The following SIAH3 variants were observed in gnomAD, a reference collection of about 807,000 sequenced individuals.
The protein encoded by SIAH3 is siah E3 ubiquitin protein ligase family member 3.
Under a neutral mutation model 12.6 loss-of-function variants are expected in SIAH3, and 9 were observed. That is an observed-to-expected ratio of 0.72 (90% CI 0.43 to 1.25). SIAH3 has a LOEUF of 1.25. Among genes scored for constraint, SIAH3 ranks in the 50% most tolerant of loss-of-function variants. The pLI, the probability that SIAH3 is intolerant of heterozygous loss-of-function variation, is 0.00. For synonymous variants in SIAH3, 154 were observed against 151.1 expected, an observed-to-expected ratio of 1.02 and a Z score of -0.14; for missense variants, 390 against 365.4, an observed-to-expected ratio of 1.07 and a Z score of -0.55.
chr13:45,784,708 T>C (rs1053070132), intron 1 of SIAH3, among the ~76,000 whole-genome samples: 1 of 152,180 alleles, frequency 6.6e-6, no homozygotes, highest in Non-Finnish European at 1.5e-5. Context: ...ACCCTATTTC[T>C]AGCTCTCTGC....
chr13:45,826,465 A>ATGAGTGGGTGCGTGGG (rs1950677285), intron 1 of SIAH3, among the ~76,000 whole-genome samples: 1 of 74,046 alleles, frequency 1.4e-5, no homozygotes, highest in Non-Finnish European at 2.4e-5. Flanking sequence ...GGATGAATGG[A>ATGAGTGGGTGCGTGGG]TGGATGGATG....
intron 1 of SIAH3, among the ~76,000 whole-genome samples, chr13:45,843,034 CTGTGTGTGTG>C (rs55772614): frequency 6.5e-5 from 9 of 139,188 alleles, no homozygotes; most frequent in African/African-American, 2.4e-4. Flanking sequence ...CTCTCTCTCT[CTGTGTGTGTG>C]TGTGTGTGTG....
chr13:45,833,892 C>T (rs990581139), intron 1 of SIAH3, among the ~76,000 whole-genome samples: 7 of 152,042 alleles, frequency 4.6e-5, no homozygotes, highest in African/African-American at 1.4e-4. Context: ...AGGCTTTTAA[C>T]AATCAATCAG....
chr13:45,823,987 A>G (rs1228273024), intron 1 of SIAH3, among the ~76,000 whole-genome samples: 2 of 152,196 alleles, frequency 1.3e-5, no homozygotes, highest in Non-Finnish European at 2.9e-5. Context: ...GGGTATATTG[A>G]GTGATGTTGA....
At chr13:45,829,853 G>T (rs935482247) in intron 1 of SIAH3, among the ~76,000 whole-genome samples, 1 of 152,154 alleles carries the variant, frequency 6.6e-6, no homozygotes, top group African/African-American at 2.4e-5. Context: ...TGTTTTTAGA[G>T]GCGCTTGGGT....
In SIAH3 at chr13:45,783,169, G is replaced by T. The variant is rs1950511432; in HGVS notation, c.*214C>A. On this transcript the variant is annotated 3_prime_UTR_variant, in exon 2 of 2. Transcript: ENST00000400405. Reference sequence around the variant, plus strand: ...CAAGGCAGGACAAACATCACACCAAGATCTTAAATTACAGGATGTTTACAT... The same window carrying T: ...CAAGGCAGGACAAACATCACACCAATATCTTAAATTACAGGATGTTTACAT... The T allele has an allele frequency of 6.1e-6, 2 of 328,486 alleles. No homozygotes were observed. The highest frequency in any genetic ancestry group is 4.7e-5 in the Admixed American group (1 of 21,360). The allele number at this position is 328,486 out of a possible 1,614,324, so 20.3% of individuals were successfully genotyped here. A position where few individuals can be genotyped will look rare whatever the true frequency, so the allele number is the denominator to read the frequency against.
At chr13:45,816,616 G>A (rs1054033280) in intron 1 of SIAH3, among the ~76,000 whole-genome samples, 1 of 152,166 alleles carries the variant, frequency 6.6e-6, no homozygotes, top group Non-Finnish European at 1.5e-5. Context: ...CCAGATAGAG[G>A]CTCACTGCAC....
At chr13:45,802,936 G>T (rs1305619544) in intron 1 of SIAH3, among the ~76,000 whole-genome samples, 2 of 152,172 alleles carry the variant, frequency 1.3e-5, no homozygotes, top group African/African-American at 4.8e-5. Context: ...GCTGGGCGTG[G>T]TGGCGGCCGC....
chr13:45,804,727 C>A (rs529152851), intron 1 of SIAH3, among the ~76,000 whole-genome samples: 1 of 152,050 alleles, frequency 6.6e-6, no homozygotes, highest in African/African-American at 2.4e-5. Context: ...AGCAATCAGG[C>A]AAGAGAAGGA....
intron 1 of SIAH3, among the ~76,000 whole-genome samples, chr13:45,843,108 C>T (rs1950746728): frequency 6.7e-6 from 1 of 149,838 alleles, no homozygotes; most frequent in Non-Finnish European, 1.5e-5. Flanking sequence ...GGGCTTAGCT[C>T]ATTCATGTTT....
At chr13:45,842,060 C>T (rs965826361) in intron 1 of SIAH3, among the ~76,000 whole-genome samples, 2 of 152,152 alleles carry the variant, frequency 1.3e-5, no homozygotes, top group African/African-American at 2.4e-5. Flanking sequence ...TTTGTTAGAC[C>T]GGCTCCTTAA....
chr13:45,813,351 A>G (rs1394762948), intron 1 of SIAH3, among the ~76,000 whole-genome samples: 1 of 152,178 alleles, frequency 6.6e-6, no homozygotes, highest in African/African-American at 2.4e-5. Flanking sequence ...TGGCCTCCCC[A>G]GAGCAAAGGT....
intron 1 of SIAH3, 124 bp from the exon 2 acceptor site, chr13:45,784,181 T>C: frequency 1.1e-6 from 1 of 900,986 alleles, no homozygotes; most frequent in Non-Finnish European, 1.6e-6. Flanking sequence ...GTTCATTTCT[T>C]AAACAACAAA....
chr13:45,849,260 A>G (rs566284230), intron 1 of SIAH3, among the ~76,000 whole-genome samples: 2 of 152,322 alleles, frequency 1.3e-5, no homozygotes, highest in East Asian at 3.9e-4. Context: ...AGCAAAATCC[A>G]TAAGTGGTTT....
At chr13:45,810,079 T>C (rs1950611293) in intron 1 of SIAH3, among the ~76,000 whole-genome samples, 1 of 152,158 alleles carries the variant, frequency 6.6e-6, no homozygotes, top group African/African-American at 2.4e-5. Context: ...GGCAGCGACC[T>C]GAAGGCACAG....
At chr13:45,825,935 T>C (rs1950672914) in intron 1 of SIAH3, among the ~76,000 whole-genome samples, 1 of 152,114 alleles carries the variant, frequency 6.6e-6, no homozygotes, top group Admixed American at 6.5e-5. Flanking sequence ...TCTCTCAGCA[T>C]TCAAAGATCT....
At chr13:45,831,867 C>A (rs1265706995) in intron 1 of SIAH3, among the ~76,000 whole-genome samples, 1 of 152,244 alleles carries the variant, frequency 6.6e-6, no homozygotes, top group Non-Finnish European at 1.5e-5. Context: ...ATGGAGGAGT[C>A]AGACACCATT....
At chr13:45,795,856 G>A (rs1239201120) in intron 1 of SIAH3, among the ~76,000 whole-genome samples, 1 of 152,138 alleles carries the variant, frequency 6.6e-6, no homozygotes, top group African/African-American at 2.4e-5. Flanking sequence ...AGTAAATTGT[G>A]ATATATCTAC....
intron 1 of SIAH3, among the ~76,000 whole-genome samples, chr13:45,837,898 A>T (rs1020210856): frequency 1.3e-5 from 2 of 152,144 alleles, no homozygotes; most frequent in African/African-American, 2.4e-5. Context: ...TGTTTAAAAT[A>T]CCTCTGTGGA....
Sources: gnomAD v4.1 joint callset for allele counts (sites outside exome capture counted in the v4.1 genomes callset) on GRCh38, gnomAD v4.1.1 for gene constraint, MANE v1.5 for transcripts, NCBI Gene and HGNC (gene_info 2026-07-23, HGNC 2026-07-21) for gene names.